The following BCL2 variants were observed in gnomAD, a reference collection of about 807,000 sequenced individuals.
The protein encoded by BCL2 is apoptosis regulator Bcl-2.
BCL2 carries 1 observed loss-of-function variant against 14.2 expected under a neutral mutation model. The ratio of observed to expected loss-of-function variants is 0.07; its 90% confidence interval spans 0.02 to 0.33. BCL2 has a LOEUF of 0.33. Among genes scored for constraint, BCL2 ranks in the 10% least tolerant of loss-of-function variants. The pLI, the probability that BCL2 is intolerant of heterozygous loss-of-function variation, is 0.99. For synonymous variants in BCL2, 151 were observed against 137.2 expected (o/e 1.10, Z -0.70); for missense variants, 247 against 305.9 (o/e 0.81, Z 1.44).
intron 2 of BCL2, among the ~76,000 whole-genome samples, chr18:63,313,423 T>C (rs532066905): frequency 5.3e-5 from 8 of 152,348 alleles, no homozygotes; most frequent in Admixed American, 3.9e-4. Flanking sequence ...GTCTCCTACA[T>C]GTGGTTGACA....
intron 2 of BCL2, among the ~76,000 whole-genome samples, chr18:63,311,825 G>C (rs1913331530): frequency 6.6e-6 from 1 of 152,110 alleles, no homozygotes; most frequent in African/African-American, 2.4e-5. Flanking sequence ...TGCTACAAAT[G>C]GCCATACCAG....
chr18:63,227,843 A>G (rs1003384336), intron 2 of BCL2, among the ~76,000 whole-genome samples: 1 of 152,258 alleles, frequency 6.6e-6, no homozygotes, highest in Non-Finnish European at 1.5e-5. Flanking sequence ...AGAAAGCAAT[A>G]CCATAGGGAA....
chr18:63,298,137 A>C (rs1366380395), intron 2 of BCL2, among the ~76,000 whole-genome samples: 5 of 152,178 alleles, frequency 3.3e-5, no homozygotes, highest in Admixed American at 2.0e-4. Context: ...CCCTATGCTG[A>C]CATGAAAATC....
At chr18:63,177,529 C>T (rs1261431263) in intron 2 of BCL2, among the ~76,000 whole-genome samples, 1 of 152,208 alleles carries the variant, frequency 6.6e-6, no homozygotes. Flanking sequence ...TCCCAGCATC[C>T]TCCTCACACC....
intron 2 of BCL2, among the ~76,000 whole-genome samples, chr18:63,144,426 G>A (rs1000893975): frequency 6.6e-6 from 1 of 152,114 alleles, no homozygotes. Context: ...GCTCATTGCA[G>A]CAAAGCCGGG....
chr18:63,264,838 C>G (rs1053206130), intron 2 of BCL2, among the ~76,000 whole-genome samples: 1 of 1,106 alleles, frequency 9.0e-4, no homozygotes, highest in South Asian at 0.021. Context: ...CTTCTCCTAA[C>G]TTCTTTGGTC....
At chr18:63,147,961 A>C (rs550834094) in intron 2 of BCL2, among the ~76,000 whole-genome samples, 1 of 152,312 alleles carries the variant, frequency 6.6e-6, no homozygotes, top group East Asian at 1.9e-4. Context: ...TCCACATTTA[A>C]GTCTTTTCTC....
intron 2 of BCL2, among the ~76,000 whole-genome samples, chr18:63,213,543 CAT>C (rs1491029987): frequency 0.025 from 2,538 of 101,780 alleles, 58 homozygotes; most frequent in African/African-American, 0.088. Context: ...CACACACACA[CAT>C]AAACACACAC....
chr18:63,195,435 TC>T (rs1487482305), intron 2 of BCL2, among the ~76,000 whole-genome samples: 1 of 152,240 alleles, frequency 6.6e-6, no homozygotes, highest in Non-Finnish European at 1.5e-5. Context: ...TCCTTCACCT[TC>T]TTTTAAAGTA....
chr18:63,136,787 A>T (rs1047058800), intron 2 of BCL2, among the ~76,000 whole-genome samples: 2 of 152,194 alleles, frequency 1.3e-5, no homozygotes, highest in African/African-American at 4.8e-5. Flanking sequence ...ATGGAATGTC[A>T]ATACCCCAGC....
At chr18:63,228,610 A>G (rs1910608780) in intron 2 of BCL2, among the ~76,000 whole-genome samples, 1 of 152,228 alleles carries the variant, frequency 6.6e-6, no homozygotes, top group Non-Finnish European at 1.5e-5. Flanking sequence ...TGTTTAGGAC[A>G]TTCCTTAAAA....
At chr18:63,299,202 A>G (rs899707485) in intron 2 of BCL2, among the ~76,000 whole-genome samples, 14 of 152,246 alleles carry the variant, frequency 9.2e-5, no homozygotes, top group African/African-American at 3.4e-4. Context: ...GTGTCACTTT[A>G]ACACTTGCTT....
chr18:63,308,505 T>C (rs1414498968), intron 2 of BCL2, among the ~76,000 whole-genome samples: 1 of 152,184 alleles, frequency 6.6e-6, no homozygotes, highest in Non-Finnish European at 1.5e-5. Flanking sequence ...CATATGTACA[T>C]ACACTGTGTG....
chr18:63,297,953 T>C (rs1315936158), intron 2 of BCL2, among the ~76,000 whole-genome samples: 1 of 152,298 alleles, frequency 6.6e-6, no homozygotes, highest in African/African-American at 2.4e-5. Context: ...TGTGAAATCA[T>C]TTGCATTCTA....
chr18:63,124,582 C>T lies in BCL2; in HGVS notation c.*4043G>A, dbSNP rs1263513502. 1.7e-5 allele frequency: 4 copies of T among 231,676 alleles called. No homozygotes were observed. In the Admixed American group the frequency reaches 2.3e-4, roughly 13 times the overall value. 14.4% of individuals were successfully genotyped at this position (231,676 alleles called of 1,614,324 possible). ...CTGATCCAAACTTGGGAATGTTTTA[C>T]ATTTAAAAATTCTTCCTCCCTCCCA... On this transcript the variant is annotated 3_prime_UTR_variant, in exon 3 of 3. Transcript: ENST00000333681.
chr18:63,142,797 G>T (rs1914401488), intron 2 of BCL2, among the ~76,000 whole-genome samples: 1 of 152,190 alleles, frequency 6.6e-6, no homozygotes, highest in Non-Finnish European at 1.5e-5. Context: ...AGAAAAATCT[G>T]CTTTCATTTT....
intron 2 of BCL2, among the ~76,000 whole-genome samples, chr18:63,146,467 G>T (rs758607936): frequency 1.3e-5 from 2 of 152,230 alleles, no homozygotes; most frequent in Non-Finnish European, 2.9e-5. Flanking sequence ...AGGACGCCAG[G>T]CCTGCGATCC....
At chr18:63,257,854 A>G (rs1911527252) in intron 2 of BCL2, among the ~76,000 whole-genome samples, 1 of 152,188 alleles carries the variant, frequency 6.6e-6, no homozygotes, top group Non-Finnish European at 1.5e-5. Context: ...GAGAAGACAC[A>G]GACGAGGCTG....
chr18:63,310,765 G>A (rs1037070013), intron 2 of BCL2, among the ~76,000 whole-genome samples: 1 of 152,224 alleles, frequency 6.6e-6, no homozygotes, highest in African/African-American at 2.4e-5. Context: ...CCAGGGTTAA[G>A]TTTTGTGGAC....
Sources: gnomAD v4.1 joint callset for allele counts (sites outside exome capture counted in the v4.1 genomes callset) on GRCh38, gnomAD v4.1.1 for gene constraint, MANE v1.5 for transcripts, NCBI Gene and HGNC (gene_info 2026-07-23, HGNC 2026-07-21) for gene names.